The following ITPKB variants were observed in gnomAD, a reference collection of about 807,000 sequenced individuals.
ITPKB encodes the protein inositol-trisphosphate 3-kinase B, also known as IP3 3-kinase B.
A neutral mutation model predicts 69.4 loss-of-function variants in ITPKB; 13 were observed. The ratio of observed to expected loss-of-function variants is 0.19; its 90% CI spans 0.12 to 0.30. ITPKB has a LOEUF of 0.30. Among genes scored for constraint, ITPKB ranks in the 10% least tolerant of loss-of-function variants. The pLI, the probability that ITPKB is intolerant of heterozygous loss-of-function variation, is 1.00. For missense variants in ITPKB, 1,240 were observed against 1,250.5 expected, an observed-to-expected ratio of 0.99 and a Z score of 0.13; for synonymous variants, 584 against 513.7, an observed-to-expected ratio of 1.14 and a Z score of -1.85.
At chr1:226,705,047 G>C (rs188230328) in intron 2 of ITPKB, among the ~76,000 whole-genome samples, 147 of 152,306 alleles carry the variant, frequency 9.7e-4, no homozygotes, top group South Asian at 2.1e-4. Flanking sequence ...GATAAAACCA[G>C]AAGGGCCTAA....
chr1:226,729,759 A>G (rs1657534472), intron 2 of ITPKB, among the ~76,000 whole-genome samples: 1 of 151,570 alleles, frequency 6.6e-6, no homozygotes, highest in Non-Finnish European at 1.5e-5. Context: ...TCGTATTTTT[A>G]GTAGATTTAG....
At chr1:226,647,500 C>T (rs953019897) in intron 3 of ITPKB, 120 bp from the exon 4 acceptor site, 6 of 708,296 alleles carry the variant, frequency 8.5e-6, no homozygotes, top group Non-Finnish European at 4.9e-6. Context: ...GAAGGTGTGT[C>T]TATGTCCCTG....
intron 2 of ITPKB, among the ~76,000 whole-genome samples, chr1:226,727,955 C>T (rs1478600590): frequency 1.3e-5 from 2 of 152,114 alleles, no homozygotes; most frequent in Admixed American, 6.6e-5. Flanking sequence ...AGAATCTTAC[C>T]ACAAAAGTAA....
chr1:226,728,661 T>C (rs1335772352), intron 2 of ITPKB, among the ~76,000 whole-genome samples: 2 of 152,206 alleles, frequency 1.3e-5, no homozygotes, highest in African/African-American at 4.8e-5. Flanking sequence ...ACCCTGCAAC[T>C]GAACAAAAGG....
At chr1:226,717,906 A>C (rs1657133594) in intron 2 of ITPKB, among the ~76,000 whole-genome samples, 1 of 152,190 alleles carries the variant, frequency 6.6e-6, no homozygotes. Context: ...TTTTTATAGC[A>C]CCTCTGTGGA....
At chr1:226,720,207 T>C (rs1422492106) in intron 2 of ITPKB, among the ~76,000 whole-genome samples, 2 of 152,256 alleles carry the variant, frequency 1.3e-5, no homozygotes, top group African/African-American at 4.8e-5. Flanking sequence ...AGGGGACCTA[T>C]GTGAACACAC....
At chr1:226,639,454 G>T in intron 6 of ITPKB, 103 bp downstream of exon 6, 1 of 799,622 alleles carries the variant, frequency 1.3e-6, no homozygotes, top group Non-Finnish European at 2.2e-6. Context: ...GGGGTGTGCT[G>T]TCCCTGGGGG....
chr1:226,701,530 A>G (rs1260088988), intron 2 of ITPKB, among the ~76,000 whole-genome samples: 1 of 145,592 alleles, frequency 6.9e-6, no homozygotes, highest in African/African-American at 2.5e-5. Context: ...CATGAACCCA[A>G]GAGGCGGAGC....
At chr1:226,700,098 G>T (rs894724750) in intron 2 of ITPKB, among the ~76,000 whole-genome samples, 13 of 152,152 alleles carry the variant, frequency 8.5e-5, no homozygotes, top group African/African-American at 3.1e-4. Flanking sequence ...CAGATTAAGG[G>T]TGGGTCTGCC....
At chr1:226,695,723 G>C (rs546501042) in intron 2 of ITPKB, among the ~76,000 whole-genome samples, 2 of 152,178 alleles carry the variant, frequency 1.3e-5, no homozygotes, top group African/African-American at 2.4e-5. Flanking sequence ...AGCAAGAGTC[G>C]GTGTGCAGCA....
chr1:226,675,245 C>T (rs878992338), intron 2 of ITPKB, among the ~76,000 whole-genome samples: 2 of 152,014 alleles, frequency 1.3e-5, no homozygotes, highest in African/African-American at 4.8e-5. Flanking sequence ...TTGCTATAAC[C>T]CCAAGGGGGA....
chr1:226,714,792 C>T (rs1367048621), intron 2 of ITPKB, among the ~76,000 whole-genome samples: 1 of 152,238 alleles, frequency 6.6e-6, no homozygotes, highest in Non-Finnish European at 1.5e-5. Context: ...TATTCTCTCC[C>T]ATAGCATTCA....
chr1:226,734,098 A>C (rs753291005), intron 2 of ITPKB, among the ~76,000 whole-genome samples: 9 of 152,212 alleles, frequency 5.9e-5, no homozygotes, highest in Non-Finnish European at 1.2e-4. Context: ...CTTCAGAAAG[A>C]AGTATTTCCC....
intron 2 of ITPKB, among the ~76,000 whole-genome samples, chr1:226,718,930 G>T (rs1322440081): frequency 6.6e-6 from 1 of 152,224 alleles, no homozygotes; most frequent in Non-Finnish European, 1.5e-5. Context: ...GTTCACAGCT[G>T]CTTTATTCAA....
intron 2 of ITPKB, among the ~76,000 whole-genome samples, chr1:226,685,797 T>A (rs775522139): frequency 6.6e-6 from 1 of 152,120 alleles, no homozygotes; most frequent in South Asian, 2.1e-4. Context: ...CTCCACAACA[T>A]TGTACAAGGA....
At chr1:226,679,424 C>T (rs945154300) in intron 2 of ITPKB, among the ~76,000 whole-genome samples, 3 of 152,066 alleles carry the variant, frequency 2.0e-5, no homozygotes, top group African/African-American at 7.2e-5. Flanking sequence ...AATTTGGAAA[C>T]CCCAAGAAAG....
At chr1:226,728,589 A>C (rs1365333053) in intron 2 of ITPKB, among the ~76,000 whole-genome samples, 2 of 152,208 alleles carry the variant, frequency 1.3e-5, no homozygotes, top group African/African-American at 2.4e-5. Flanking sequence ...TGCAGTGTGC[A>C]CTTCTGCTGA....
chr1:226,654,710 A>G (rs1669256410), intron 2 of ITPKB, among the ~76,000 whole-genome samples: 1 of 151,724 alleles, frequency 6.6e-6, no homozygotes, highest in Non-Finnish European at 1.5e-5. Context: ...TCAAGTCCCA[A>G]CCCTCCCGTG....
rs534785255 is a variant in ITPKB at position 226,720,468 on chromosome 1, T to TA, written c.1932+15058dup. Among the ~76,000 whole-genome samples the TA allele has an allele frequency of 4.7e-4, 72 of 152,344 alleles. No individual in the cohort carries two copies. The East Asian group carries it at 0.013, about 28-fold the overall frequency. On this transcript the variant is annotated intron_variant, in intron 2 of 7. Transcript: ENST00000429204. Reference sequence around the variant, plus strand: ...AGGAACTTGGGAGATTCAGATGAGTTAAAATCCCAGTCCTGCCATTGATCA... The same window carrying TA: ...AGGAACTTGGGAGATTCAGATGAGTTAAAAATCCCAGTCCTGCCATTGATCA...
Sources: gnomAD v4.1 joint callset for allele counts (sites outside exome capture counted in the v4.1 genomes callset) on GRCh38, gnomAD v4.1.1 for gene constraint, MANE v1.5 for transcripts, NCBI Gene and HGNC (gene_info 2026-07-23, HGNC 2026-07-21) for gene names.